C8orf76: variants seen among roughly 807,000 people sequenced by gnomAD.
C8orf76 encodes uncharacterized protein C8orf76.
A neutral mutation model predicts 38.1 loss-of-function variants in C8orf76; 46 were observed. The ratio of observed to expected loss-of-function variants is 1.21; its 90% CI spans 0.95 to 1.54. The LOEUF is 1.54. C8orf76 is among the 40% of genes most tolerant of loss of function. The pLI is 0.00. For synonymous variants in C8orf76, 166 were observed against 167.5 expected, an observed-to-expected ratio of 0.99 and a Z score of 0.07; for missense variants, 461 against 441.6, an observed-to-expected ratio of 1.04 and a Z score of -0.39.
At chr8:123,229,272 C>T (rs1475966395) in intron 4 of C8orf76, among the ~76,000 whole-genome samples, 1 of 152,218 alleles carries the variant, frequency 6.6e-6, no homozygotes, top group Non-Finnish European at 1.5e-5. Flanking sequence ...GCTCCAAATC[C>T]TGGCCCTGCA....
Position 123,220,265 on chromosome 8 carries a change from T to G in C8orf76, c.981A>C (p.Lys327Asn), listed in dbSNP as rs1824865178. The change falls in exon 6 of 6, where the codon AAA becomes AAC. Residue 327 changes from lysine to asparagine, a missense_variant. Transcript: ENST00000276704. ...VMGEDIPEKI[K>N]DEVHPEVKCV... ...ACTTCACCTCTGGGTGAACTTCATCTTTTATTTTTTCTGGGATATCTTCTC... is the reference window on the plus strand; with the variant it reads ...ACTTCACCTCTGGGTGAACTTCATCGTTTATTTTTTCTGGGATATCTTCTC... 3.1e-6 allele frequency: 5 copies of G among 1,604,954 alleles called. No homozygotes were observed. The highest frequency in any genetic ancestry group is 1.3e-5 in the African/African-American group (1 of 74,418).
chr8:123,231,101 C>T (rs1413392141), intron 4 of C8orf76, among the ~76,000 whole-genome samples, 199 bp downstream of exon 4: 2 of 152,226 alleles, frequency 1.3e-5, no homozygotes, highest in South Asian at 2.1e-4. Context: ...CCAGCTAACA[C>T]AGGTTGTATT....
chr8:123,232,804 C>T (rs113541703), intron 3 of C8orf76, among the ~76,000 whole-genome samples: 1,551 of 152,220 alleles, frequency 0.01, 34 homozygotes, highest in African/African-American at 0.035. Flanking sequence ...CTGTCCTTCC[C>T]AACAGACCAT....
At chr8:123,228,644 AAC>A (rs377766243) in intron 4 of C8orf76, among the ~76,000 whole-genome samples, 14 of 150,778 alleles carry the variant, frequency 9.3e-5, no homozygotes, top group Admixed American at 2.0e-4. Context: ...CAAAACCCAA[AAC>A]ACACACACAC....
intron 1 of C8orf76, among the ~76,000 whole-genome samples, chr8:123,240,686 A>C (rs904347935): frequency 2.6e-5 from 4 of 152,236 alleles, no homozygotes; most frequent in African/African-American, 9.6e-5. Flanking sequence ...GTAGAAGCTA[A>C]ATAGAGGGAA....
At chr8:123,222,975 A>T (rs1824929606) in intron 5 of C8orf76, among the ~76,000 whole-genome samples, 1 of 152,244 alleles carries the variant, frequency 6.6e-6, no homozygotes, top group African/African-American at 2.4e-5. Context: ...CATATATTTA[A>T]ATCCAGCGAT....
intron 4 of C8orf76, among the ~76,000 whole-genome samples, chr8:123,230,948 C>T (rs1020906325): frequency 2.6e-5 from 4 of 151,874 alleles, no homozygotes; most frequent in Admixed American, 6.6e-5. Flanking sequence ...GCGCCCGGCC[C>T]GCATAGTTAA....
chr8:123,240,115 ACT>A (rs1377949780), intron 1 of C8orf76: 2 of 152,654 alleles, frequency 1.3e-5, no homozygotes, highest in African/African-American at 4.8e-5. Context: ...TCCCACGATA[ACT>A]CTGTGAGCCA....
chr8:123,230,917 G>C (rs1586805165), intron 4 of C8orf76, among the ~76,000 whole-genome samples: 2 of 152,104 alleles, frequency 1.3e-5, no homozygotes, highest in East Asian at 3.9e-4. Flanking sequence ...CAAAGTGCTG[G>C]GATTACAGGC....
At chr8:123,224,685 C>A (rs1241639183) in intron 5 of C8orf76, among the ~76,000 whole-genome samples, 1 of 152,160 alleles carries the variant, frequency 6.6e-6, no homozygotes, top group East Asian at 1.9e-4. Flanking sequence ...AGACATTTTC[C>A]ATCTTTTTAA....
At chr8:123,238,571 G>A (rs1825576702) in intron 2 of C8orf76, 3 of 156,784 alleles carry the variant, frequency 1.9e-5, no homozygotes, top group Admixed American at 1.8e-4. Context: ...AACATTCTGG[G>A]ACCAAATATA....
At chr8:123,235,309 G>C (rs1191235938) in intron 3 of C8orf76, among the ~76,000 whole-genome samples, 1 of 152,174 alleles carries the variant, frequency 6.6e-6, no homozygotes, top group Non-Finnish European at 1.5e-5. Flanking sequence ...TTCGAATCTT[G>C]ATGGCCACCC....
At chr8:123,234,355 C>T (rs948046787) in intron 3 of C8orf76, among the ~76,000 whole-genome samples, 2 of 152,078 alleles carry the variant, frequency 1.3e-5, no homozygotes, top group African/African-American at 4.8e-5. Context: ...GCTGATATGG[C>T]CAGGCAAGGT....
chr8:123,237,786 A>G lies in C8orf76; in HGVS notation c.357+12T>C. The G allele has an allele frequency of 6.2e-7, 1 of 1,607,452 alleles. No individual in the cohort carries two copies. Among genetic ancestry groups the G allele is most frequent in the Non-Finnish European group, 8.5e-7 (1 of 1,177,926 alleles). ...AGGAATGTGTGTGAAAATAAGCAAT[A>G]AAATCACTCACCAAGTTTGCAGCAA... On this transcript the variant is annotated intron_variant, in intron 3 of 5. Coordinates refer to ENST00000276704, the MANE Select transcript of C8orf76 (RefSeq NM_032847.3).
At chr8:123,232,155 A>G (rs899917505) in intron 3 of C8orf76, among the ~76,000 whole-genome samples, 2 of 152,222 alleles carry the variant, frequency 1.3e-5, no homozygotes, top group East Asian at 3.8e-4. Flanking sequence ...CCATTGTAAT[A>G]TTCAAGGCTT....
intron 3 of C8orf76, chr8:123,236,728 A>G (rs1825497562): frequency 9.9e-6 from 4 of 402,758 alleles, no homozygotes; most frequent in Non-Finnish European, 1.4e-5. Flanking sequence ...AGGTTGCGGC[A>G]AGCCGGGATC....
Position 123,219,969 on chromosome 8 carries a change from A to G in C8orf76, c.*134T>C. 1 of 546,336 alleles carries G rather than the reference A, an allele frequency of 1.8e-6. No individual in the cohort carries two copies. The highest frequency in any genetic ancestry group is 3.1e-6 in the Non-Finnish European group (1 of 322,918). The allele number at this position is 546,336 out of a possible 1,614,324, so 33.8% of individuals were successfully genotyped here. On this transcript the variant is annotated 3_prime_UTR_variant, in exon 6 of 6. Transcript: ENST00000276704. Reference sequence around the variant, plus strand: ...ACATAAACTGAATGCAGTAGAAATCATTTGAGACAGAAGCCAGTTTTATAA... The same window carrying G: ...ACATAAACTGAATGCAGTAGAAATCGTTTGAGACAGAAGCCAGTTTTATAA...
intron 4 of C8orf76, among the ~76,000 whole-genome samples, chr8:123,230,324 C>T (rs750491352): frequency 3.9e-5 from 6 of 152,196 alleles, no homozygotes; most frequent in Non-Finnish European, 8.8e-5. Flanking sequence ...AATTCAAATA[C>T]AAGAGCTAAT....
At chr8:123,239,454 C>T (rs1321816990) in intron 1 of C8orf76, 1 of 220,220 alleles carries the variant, frequency 4.5e-6, no homozygotes, top group Non-Finnish European at 9.3e-6. Flanking sequence ...ACTGAAAGGA[C>T]ATAGGAAAGA....
Sources: allele counts gnomAD v4.1 joint callset (sites outside exome capture counted in the v4.1 genomes callset), GRCh38; gene constraint gnomAD v4.1.1; transcripts MANE v1.5; gene names NCBI Gene and HGNC (gene_info 2026-07-23, HGNC 2026-07-21).